LOXL2: variants seen among roughly 807,000 people sequenced by gnomAD.
The protein encoded by LOXL2 is lysyl oxidase homolog 2.
In LOXL2, 70 loss-of-function variants were observed where a neutral mutation model predicts 93.0. The observed-to-expected ratio is 0.75, with a 90% CI of 0.62 to 0.92. The LOEUF is 0.92. Ranked by LOEUF, LOXL2 falls within the 40% of genes least tolerant of loss-of-function variation. The probability of loss-of-function intolerance (pLI) is 0.00; values close to 1 mark genes in which losing one functional copy is unlikely to be tolerated. For synonymous variants in LOXL2, 438 were observed against 413.2 expected (o/e 1.06, Z -0.73); for missense variants, 973 against 1,054.9 (o/e 0.92, Z 1.08).
intron 3 of LOXL2, among the ~76,000 whole-genome samples, chr8:23,356,696 C>T (rs1305946362): frequency 6.6e-6 from 1 of 152,148 alleles, no homozygotes; most frequent in Non-Finnish European, 1.5e-5. Context: ...CCCCCTGGCT[C>T]GTGGTCACCA....
intron 10 of LOXL2, among the ~76,000 whole-genome samples, chr8:23,307,962 A>AAAAAAAAAAAT: frequency 6.7e-6 from 1 of 149,842 alleles, no homozygotes; most frequent in Admixed American, 6.6e-5. Context: ...TGAAAAAAAA[A>AAAAAAAAAAAT]AAAAAAAAAA....
In LOXL2 at chr8:23,302,147, G is replaced by C; in HGVS notation, c.2013C>G (p.Tyr671Ter). The change falls in exon 12 of 14, where the codon TAC becomes TAG. Residue 671 changes from tyrosine (Y) to a stop codon, truncating the protein, a stop_gained. Coordinates refer to ENST00000389131, the MANE Select transcript of LOXL2 (RefSeq NM_002318.3). LOFTEE classifies it high-confidence loss of function. ...CCTGATCGCCGAAGTTGGCACACTCGTAATTCTTCTGGATGTCTGCGGGCA... is the reference window on the plus strand; with the variant it reads ...CCTGATCGCCGAAGTTGGCACACTCCTAATTCTTCTGGATGTCTGCGGGCA... ...TECEGDIQKNYECANFGDQGI... is the reference protein window; with the variant it reads ...TECEGDIQKN 1 of 1,614,132 alleles carries C rather than the reference G, an allele frequency of 6.2e-7. No individual in the cohort carries two copies. Among genetic ancestry groups the C allele is most frequent in the Non-Finnish European group, 8.5e-7 (1 of 1,180,010 alleles).
chr8:23,346,362 C>A (rs990719899), intron 3 of LOXL2, among the ~76,000 whole-genome samples: 5 of 152,082 alleles, frequency 3.3e-5, no homozygotes, highest in African/African-American at 1.2e-4. Flanking sequence ...AAGAAAGACA[C>A]AGAAACTCCA....
chr8:23,322,882 T>C (rs1447877398), intron 6 of LOXL2, among the ~76,000 whole-genome samples: 2 of 152,220 alleles, frequency 1.3e-5, no homozygotes, highest in African/African-American at 4.8e-5. Context: ...GGCAGGCCCC[T>C]GCCCCGAAGA....
chr8:23,350,222 A>C (rs985978420), intron 3 of LOXL2, among the ~76,000 whole-genome samples: 1 of 152,212 alleles, frequency 6.6e-6, no homozygotes, highest in African/African-American at 2.4e-5. Context: ...GCTGTACTCC[A>C]GGAGTCTGGC....
intron 5 of LOXL2, chr8:23,331,660 G>A (rs1037801299): frequency 6.6e-6 from 1 of 152,236 alleles, no homozygotes; most frequent in Non-Finnish European, 1.5e-5. Context: ...GGAGGAGAAA[G>A]AAAAGCGAAT....
intron 10 of LOXL2, among the ~76,000 whole-genome samples, chr8:23,308,499 C>T (rs1803268297): frequency 6.6e-6 from 1 of 152,216 alleles, no homozygotes; most frequent in African/African-American, 2.4e-5. Context: ...GGGCTTCCTG[C>T]TTTATTTAGT....
intron 3 of LOXL2, 111 bp downstream of exon 3, chr8:23,359,979 G>C: frequency 9.0e-6 from 9 of 996,402 alleles, no homozygotes; most frequent in Non-Finnish European, 1.2e-5. Context: ...ATTGGGTGAG[G>C]TACCCTCCTT....
chr8:23,360,583 G>A (rs888003581), intron 2 of LOXL2, among the ~76,000 whole-genome samples: 4 of 152,102 alleles, frequency 2.6e-5, no homozygotes, highest in East Asian at 3.9e-4. Flanking sequence ...TTGAGTTCTC[G>A]TTCAGCCACT....
intron 1 of LOXL2, among the ~76,000 whole-genome samples, chr8:23,382,174 CT>C (rs112744256): frequency 4.5e-4 from 68 of 152,268 alleles, no homozygotes; most frequent in African/African-American, 1.6e-3. Context: ...ACCATGTCCC[CT>C]TTTTCAGTTT....
intron 1 of LOXL2, among the ~76,000 whole-genome samples, chr8:23,402,357 A>C (rs780191926): frequency 6.6e-6 from 1 of 152,186 alleles, no homozygotes; most frequent in Non-Finnish European, 1.5e-5. Flanking sequence ...GTGAGACTCA[A>C]TTTCCTTGGG....
At chr8:23,393,534 T>C (rs1442075554) in intron 1 of LOXL2, among the ~76,000 whole-genome samples, 1 of 152,118 alleles carries the variant, frequency 6.6e-6, no homozygotes, top group Admixed American at 6.5e-5. Flanking sequence ...CCTCATAGCA[T>C]TTACAAAAAT....
At chr8:23,326,804 A>G (rs1484823752) in intron 6 of LOXL2, among the ~76,000 whole-genome samples, 1 of 152,138 alleles carries the variant, frequency 6.6e-6, no homozygotes, top group Non-Finnish European at 1.5e-5. Context: ...GAGCACTGTT[A>G]TATGGCCCAA....
chr8:23,361,872 A>C (rs1012509239), intron 2 of LOXL2, among the ~76,000 whole-genome samples: 1 of 151,216 alleles, frequency 6.6e-6, no homozygotes, highest in Non-Finnish European at 1.5e-5. Context: ...AACAAACAAA[A>C]AAAACAGAAA....
At chr8:23,362,760 G>A (rs1357624490) in intron 2 of LOXL2, among the ~76,000 whole-genome samples, 2 of 152,044 alleles carry the variant, frequency 1.3e-5, no homozygotes, top group Non-Finnish European at 2.9e-5. Flanking sequence ...AGTTAAGGTG[G>A]TAAATTTTAT....
intron 1 of LOXL2, among the ~76,000 whole-genome samples, chr8:23,391,013 G>A (rs572462474): frequency 1.3e-5 from 2 of 152,238 alleles, no homozygotes; most frequent in African/African-American, 2.4e-5. Flanking sequence ...AGAGCCAAGC[G>A]AAAGGGGTCT....
intron 3 of LOXL2, among the ~76,000 whole-genome samples, chr8:23,354,959 T>C (rs1420539467): frequency 3.7e-5 from 2 of 53,878 alleles, no homozygotes; most frequent in Non-Finnish European, 7.0e-5. Flanking sequence ...ATTTTTTTTT[T>C]TTTTTTTTTT....
chr8:23,375,999 G>T, intron 1 of LOXL2, among the ~76,000 whole-genome samples: 1 of 152,160 alleles, frequency 6.6e-6, no homozygotes, highest in Non-Finnish European at 1.5e-5. Flanking sequence ...GTGAGAGAGG[G>T]CATCCCTGTC....
chr8:23,316,989 C>T lies in LOXL2; in HGVS notation c.1596G>A (p.Gln532=). The T allele has an allele frequency of 1.9e-6, 3 of 1,613,940 alleles. No individual in the cohort carries two copies. Among genetic ancestry groups the T allele is most frequent in the South Asian group, 1.1e-5 (1 of 91,070 alleles). Residue 532 remains glutamine, a synonymous_variant, in exon 9 of 14, where the codon CAG becomes CAA. Transcript: ENST00000389131. The part of the protein sequence containing the change: ...RHDGEDVACP[Q]GGVQYGAGVA... ...CTCCGGCCCCGTACTGCACTCCGCC[C>T]TGGGGGCAGGCCACGTCCTCCCCGT...
Sources: gnomAD v4.1 joint callset for allele counts (sites outside exome capture counted in the v4.1 genomes callset) on GRCh38, gnomAD v4.1.1 for gene constraint, MANE v1.5 for transcripts, NCBI Gene and HGNC (gene_info 2026-07-23, HGNC 2026-07-21) for gene names.